The following CSMD1 variants were observed in gnomAD, a reference collection of about 807,000 sequenced individuals.
The protein encoded by CSMD1 is CUB and sushi domain-containing protein 1.
In CSMD1, 213 loss-of-function variants were observed where a neutral mutation model predicts 417.5. The ratio of observed to expected loss-of-function variants is 0.51; its 90% CI spans 0.46 to 0.57. CSMD1 has a LOEUF of 0.57. CSMD1 is among the 20% of genes least tolerant of loss of function. The pLI is 0.00. For missense variants in CSMD1, 6,923 were observed against 4,529.7 expected (o/e 1.53, Z -15.17); for synonymous variants, 2,862 against 1,736.8 (o/e 1.65, Z -16.11).
chr8:3,212,982 C>T (rs1178108278), intron 30 of CSMD1, among the ~76,000 whole-genome samples: 2 of 152,062 alleles, frequency 1.3e-5, no homozygotes, highest in East Asian at 1.9e-4. Flanking sequence ...GTGTGCACCA[C>T]CACGCCCAGC....
At chr8:3,822,051 C>T (rs980970480) in intron 5 of CSMD1, among the ~76,000 whole-genome samples, 76 of 152,298 alleles carry the variant, frequency 5.0e-4, no homozygotes, top group African/African-American at 1.6e-3. Context: ...GACATCTCTG[C>T]CTTTTGACCT....
intron 3 of CSMD1, among the ~76,000 whole-genome samples, chr8:4,246,964 T>C (rs1229646612): frequency 1.3e-5 from 2 of 152,168 alleles, no homozygotes; most frequent in Non-Finnish European, 2.9e-5. Flanking sequence ...ATGGAAACAC[T>C]TTAGACGAAG....
chr8:4,927,669 T>G lies in CSMD1; in HGVS notation c.85+66663A>C, dbSNP rs1052750521. ...TTGGTATAATTACTCAGGTAAGTGGTGATGACACTGTGAACTAGGGCTAAG... is the reference window on the plus strand; with the variant it reads ...TTGGTATAATTACTCAGGTAAGTGGGGATGACACTGTGAACTAGGGCTAAG... On this transcript the variant is annotated intron_variant, in intron 1 of 69. Coordinates refer to ENST00000635120, the MANE Select transcript of CSMD1 (RefSeq NM_033225.6). 2.6e-5 allele frequency among the ~76,000 whole-genome samples: 4 copies of G among 152,142 alleles called. No homozygotes were observed. In the East Asian group the frequency reaches 5.8e-4, roughly 22 times the overall value.
At chr8:4,197,239 A>G (rs1006776548) in intron 3 of CSMD1, among the ~76,000 whole-genome samples, 4 of 152,196 alleles carry the variant, frequency 2.6e-5, no homozygotes, top group African/African-American at 9.6e-5. Context: ...ATTCACAGAT[A>G]ATTTCGTATA....
At chr8:3,391,227 T>G (rs980532191) in intron 17 of CSMD1, among the ~76,000 whole-genome samples, 2 of 152,188 alleles carry the variant, frequency 1.3e-5, no homozygotes, top group African/African-American at 4.8e-5. Flanking sequence ...TACTCCTTTA[T>G]CACAATGTTT....
At chr8:3,642,439 A>C (rs559887926) in intron 7 of CSMD1, among the ~76,000 whole-genome samples, 1 of 152,324 alleles carries the variant, frequency 6.6e-6, no homozygotes, top group East Asian at 1.9e-4. Flanking sequence ...ATGGCTCTAA[A>C]GACCTCTAAA....
At chr8:3,933,132 T>C (rs555592112) in intron 5 of CSMD1, among the ~76,000 whole-genome samples, 1 of 137,362 alleles carries the variant, frequency 7.3e-6, no homozygotes, top group Admixed American at 7.0e-5. Flanking sequence ...ATTTTGATTT[T>C]TACCAATGTA....
In CSMD1 at chr8:3,401,565, C is replaced by G. The variant is rs902809184; in HGVS notation, c.2267-2036G>C. ...TAGTAAGTAATAAGTTTGTATTAGTCAGTTTGGATTAGATTACACTGCCGT... is the reference window on the plus strand; with the variant it reads ...TAGTAAGTAATAAGTTTGTATTAGTGAGTTTGGATTAGATTACACTGCCGT... On this transcript the variant is annotated intron_variant, in intron 15 of 69. Transcript: ENST00000635120. Among the ~76,000 whole-genome samples the G allele has an allele frequency of 4.6e-5, 7 of 152,060 alleles. 1 individual carries two copies. The highest frequency in any genetic ancestry group is 2.0e-4 in the Admixed American group (3 of 15,256).
At chr8:4,538,166 G>A (rs1034640433) in intron 2 of CSMD1, among the ~76,000 whole-genome samples, 2 of 149,908 alleles carry the variant, frequency 1.3e-5, no homozygotes, top group Non-Finnish European at 3.0e-5. Context: ...TGACTCCGGT[G>A]TAACATGCAA....
intron 1 of CSMD1, among the ~76,000 whole-genome samples, chr8:4,843,648 C>A (rs1800965259): frequency 6.6e-6 from 1 of 152,130 alleles, no homozygotes; most frequent in East Asian, 1.9e-4. Flanking sequence ...CTGCCTGAAT[C>A]TTATTAAATG....
intron 50 of CSMD1, among the ~76,000 whole-genome samples, chr8:3,030,297 A>T (rs913235357): frequency 6.6e-6 from 1 of 152,050 alleles, no homozygotes; most frequent in Non-Finnish European, 1.5e-5. Context: ...TTTAAAATAC[A>T]TTACACAAAA....
At chr8:4,699,897 A>G (rs570083731) in intron 1 of CSMD1, among the ~76,000 whole-genome samples, 2 of 152,312 alleles carry the variant, frequency 1.3e-5, no homozygotes, top group South Asian at 4.1e-4. Context: ...ATATAATGGA[A>G]TCCTTTGGAA....
chr8:4,375,250 T>C (rs914508391), intron 3 of CSMD1, among the ~76,000 whole-genome samples: 6 of 152,106 alleles, frequency 3.9e-5, no homozygotes, highest in East Asian at 1.9e-4. Flanking sequence ...ACATAAAACA[T>C]GCAGTTGTCC....
intron 1 of CSMD1, among the ~76,000 whole-genome samples, chr8:4,701,521 G>T (rs114056672): frequency 0.01 from 1,595 of 151,996 alleles, 32 homozygotes; most frequent in African/African-American, 0.035. Flanking sequence ...AGAGGGACTG[G>T]GAAGCATCAA....
chr8:4,501,470 C>A (rs1416464992), intron 2 of CSMD1, among the ~76,000 whole-genome samples: 1 of 152,158 alleles, frequency 6.6e-6, no homozygotes, highest in African/African-American at 2.4e-5. Context: ...TTTCTCATGT[C>A]AACATAAACT....
intron 5 of CSMD1, among the ~76,000 whole-genome samples, chr8:3,986,617 TAA>T (rs1298645082): frequency 6.6e-6 from 1 of 152,154 alleles, no homozygotes; most frequent in Non-Finnish European, 1.5e-5. Context: ...GCAACATACC[TAA>T]ATCATGATTT....
chr8:4,193,760 G>A (rs1409911764), intron 3 of CSMD1, among the ~76,000 whole-genome samples: 2 of 152,086 alleles, frequency 1.3e-5, no homozygotes, highest in African/African-American at 4.8e-5. Context: ...ATTTTGGCTG[G>A]CAAGTTATGG....
Position 4,521,041 on chromosome 8 carries a change from T to C in CSMD1, c.303-100976A>G, listed in dbSNP as rs146464236. On this transcript the variant is annotated intron_variant, in intron 2 of 69. Coordinates refer to ENST00000635120, the MANE Select transcript of CSMD1 (RefSeq NM_033225.6). ...TTTCAACCATCGCATATAAAATTACTTACAGTCAGAAAATTTATGAAAGAT... is the reference window on the plus strand; with the variant it reads ...TTTCAACCATCGCATATAAAATTACCTACAGTCAGAAAATTTATGAAAGAT... Among the ~76,000 whole-genome samples, 268 of 152,306 alleles carry C rather than the reference T, an allele frequency of 1.8e-3. 1 individual carries two copies. The highest frequency in any genetic ancestry group is 6.2e-3 in the African/African-American group (258 of 41,562).
chr8:3,765,302 T>C (rs1473180305), intron 5 of CSMD1, among the ~76,000 whole-genome samples: 3 of 152,194 alleles, frequency 2.0e-5, no homozygotes. Context: ...CTTTTGCCTG[T>C]GTAAATCCTT....
Sources: gnomAD v4.1 joint callset for allele counts (sites outside exome capture counted in the v4.1 genomes callset) on GRCh38, gnomAD v4.1.1 for gene constraint, MANE v1.5 for transcripts, NCBI Gene and HGNC (gene_info 2026-07-23, HGNC 2026-07-21) for gene names.